SMARCC1: variants seen among roughly 807,000 people sequenced by gnomAD.
The protein encoded by SMARCC1 is SWI/SNF complex subunit SMARCC1.
A neutral mutation model predicts 147.4 loss-of-function variants in SMARCC1; 43 were observed. That is an observed-to-expected ratio of 0.29 (90% CI 0.23 to 0.38). The LOEUF (loss-of-function observed/expected upper bound fraction) is 0.38, where lower values mean the gene tolerates loss of function less well. Ranked by LOEUF, SMARCC1 falls within the 10% of genes least tolerant of loss-of-function variation. The pLI, the probability that SMARCC1 is intolerant of heterozygous loss-of-function variation, is 1.00. For synonymous variants in SMARCC1, 495 were observed against 484.4 expected (o/e 1.02, Z -0.29); for missense variants, 1,119 against 1,381.1 (o/e 0.81, Z 3.01).
chr3:47,736,874 T>C (rs908189882), intron 4 of SMARCC1, among the ~76,000 whole-genome samples: 5 of 152,080 alleles, frequency 3.3e-5, no homozygotes, highest in Non-Finnish European at 5.9e-5. Context: ...TCTAACTGAA[T>C]TTTTGCCAGC....
chr3:47,640,111 A>G (rs1435397706), intron 21 of SMARCC1, among the ~76,000 whole-genome samples: 1 of 152,236 alleles, frequency 6.6e-6, no homozygotes, highest in Non-Finnish European at 1.5e-5. Context: ...TGTGGGAAGT[A>G]AAAGTAGTAA....
At chr3:47,603,274 T>G (rs1047581514) in intron 26 of SMARCC1, 4 of 151,914 alleles carry the variant, frequency 2.6e-5, no homozygotes, top group Admixed American at 6.6e-5. Flanking sequence ...ATAAAAAAAT[T>G]AGCTAGGCAT....
intron 2 of SMARCC1, among the ~76,000 whole-genome samples, chr3:47,768,238 C>G (rs1445310866): frequency 2.0e-5 from 3 of 152,178 alleles, no homozygotes; most frequent in Non-Finnish European, 4.4e-5. Flanking sequence ...TTATCTATCT[C>G]ATCGAATTTT....
intron 11 of SMARCC1, among the ~76,000 whole-genome samples, chr3:47,695,482 G>A (rs573599901): frequency 6.6e-6 from 1 of 152,144 alleles, no homozygotes; most frequent in South Asian, 2.1e-4. Context: ...AAGTTACTTT[G>A]TCATCCGGGC....
chr3:47,672,913 G>T (rs945306067), intron 18 of SMARCC1, among the ~76,000 whole-genome samples: 1 of 152,010 alleles, frequency 6.6e-6, no homozygotes, highest in African/African-American at 2.4e-5. Context: ...TGAGTAGCTG[G>T]AATTACAGGC....
intron 26 of SMARCC1, among the ~76,000 whole-genome samples, chr3:47,592,159 C>A (rs2032193112): frequency 1.3e-5 from 2 of 152,126 alleles, no homozygotes; most frequent in Admixed American, 1.3e-4. Context: ...ACTAAAATAC[C>A]TCCTGTATTC....
chr3:47,603,107 A>T (rs2032415031), intron 26 of SMARCC1, among the ~76,000 whole-genome samples: 1 of 152,094 alleles, frequency 6.6e-6, no homozygotes, highest in South Asian at 2.1e-4. Context: ...TGAAGTTCCT[A>T]CAGTCCTGAC....
chr3:47,664,619 T>C (rs748268609), intron 19 of SMARCC1, among the ~76,000 whole-genome samples: 6 of 152,246 alleles, frequency 3.9e-5, no homozygotes, highest in African/African-American at 9.6e-5. Context: ...GAGGAATTAA[T>C]TGGATAAAAA....
chr3:47,642,940 G>A (rs1372299612), intron 21 of SMARCC1, among the ~76,000 whole-genome samples: 2 of 152,106 alleles, frequency 1.3e-5, no homozygotes, highest in Admixed American at 1.3e-4. Context: ...CACGCCTGTA[G>A]TCCCAGCTAC....
chr3:47,667,606 C>T (rs756590227), intron 19 of SMARCC1, among the ~76,000 whole-genome samples: 2 of 152,122 alleles, frequency 1.3e-5, no homozygotes, highest in Non-Finnish European at 2.9e-5. Context: ...AGGCCAAGCG[C>T]GGTGGCTTGT....
chr3:47,666,295 A>G (rs2033418965), intron 19 of SMARCC1, among the ~76,000 whole-genome samples: 1 of 152,172 alleles, frequency 6.6e-6, no homozygotes, highest in Admixed American at 6.5e-5. Flanking sequence ...CTTGTTTGCA[A>G]AGCAACTCCT....
intron 11 of SMARCC1, among the ~76,000 whole-genome samples, chr3:47,697,797 G>A (rs1446260048): frequency 6.6e-6 from 1 of 151,280 alleles, no homozygotes; most frequent in East Asian, 2.0e-4. Context: ...CATGAGGTCA[G>A]GAGATCGAGA....
rs773863580 is a variant in SMARCC1 at position 47,590,701 on chromosome 3, G to A, written c.3180C>T (p.Ile1060=). ...CTGTCAGGGGTACCCGGGGTCCTAA[G>A]ATGTTTCCTGGCATTGGTGGCATGC... ...PPGMPPMPGN[I]LGPRVPLTAP... is the part of the protein sequence containing the mutation. Residue 1060 remains isoleucine (I), a synonymous_variant, in exon 27 of 28, where the codon ATC becomes ATT. Coordinates refer to ENST00000254480, the MANE Select transcript of SMARCC1 (RefSeq NM_003074.4). The A allele has an allele frequency of 1.6e-5, 25 of 1,568,620 alleles. No homozygotes were observed. The Admixed American group carries it at 2.3e-4, about 15-fold the overall frequency.
At chr3:47,646,207 G>A (rs2033119636) in intron 21 of SMARCC1, among the ~76,000 whole-genome samples, 1 of 152,138 alleles carries the variant, frequency 6.6e-6, no homozygotes, top group Admixed American at 6.6e-5. Flanking sequence ...GATGCTATGT[G>A]GAACAGTATG....
rs1174146025 is a variant in SMARCC1 at position 47,706,536 on chromosome 3, A to T, written c.919-6T>A. On this transcript the variant is annotated splice_polypyrimidine_tract_variant and splice_region_variant and intron_variant, in intron 9 of 27. Coordinates refer to ENST00000254480, the MANE Select transcript of SMARCC1 (RefSeq NM_003074.4). ...CTTTCTGGACTTCTGACTGGCTAGG[A>T]AGAAGTAAATGGAAATAAGTATCAG... 1.9e-6 allele frequency: 3 copies of T among 1,553,440 alleles called. No individual in the cohort carries two copies. The South Asian group carries it at 3.7e-5, about 19-fold the overall frequency.
chr3:47,682,932 A>C (rs975807469), intron 14 of SMARCC1, among the ~76,000 whole-genome samples: 1 of 152,262 alleles, frequency 6.6e-6, no homozygotes, highest in Admixed American at 6.5e-5. Context: ...GTTTAAAAAT[A>C]ATTAAAGAGA....
At chr3:47,616,693 G>T (rs528809462) in intron 25 of SMARCC1, among the ~76,000 whole-genome samples, 2 of 151,990 alleles carry the variant, frequency 1.3e-5, no homozygotes, top group African/African-American at 4.8e-5. Context: ...TGATCCTCCC[G>T]CCTTGGCCTC....
At chr3:47,594,131 C>G (rs967387506) in intron 26 of SMARCC1, among the ~76,000 whole-genome samples, 5 of 151,240 alleles carry the variant, frequency 3.3e-5, no homozygotes, top group Non-Finnish European at 5.9e-5. Context: ...CACCATTACA[C>G]CCTAGCCTGG....
intron 2 of SMARCC1, 51 bp from the exon 3 acceptor site, chr3:47,746,044 T>TA (rs1380507486): frequency 1.8e-6 from 2 of 1,142,460 alleles, no homozygotes; most frequent in Non-Finnish European, 1.3e-6. Context: ...CTGACAAAAT[T>TA]ACTCATGTCT....
Sources: gnomAD v4.1 joint callset for allele counts (sites outside exome capture counted in the v4.1 genomes callset) on GRCh38, gnomAD v4.1.1 for gene constraint, MANE v1.5 for transcripts, NCBI Gene and HGNC (gene_info 2026-07-23, HGNC 2026-07-21) for gene names.